Variants in DNAH5 observed in about 807,000 individuals in gnomAD.
DNAH5 encodes dynein axonemal heavy chain 5, also known as axonemal beta dynein heavy chain 5.
A neutral mutation model predicts 518.2 loss-of-function variants in DNAH5; 372 were observed. That is an observed-to-expected ratio of 0.72 (90% CI 0.66 to 0.78). The LOEUF (loss-of-function observed/expected upper bound fraction) is 0.78. Ranked by LOEUF, DNAH5 falls within the 30% of genes least tolerant of loss-of-function variation. DNAH5 has a pLI of 0.00. For missense variants in DNAH5, 5,523 were observed against 5,687.0 expected, an observed-to-expected ratio of 0.97 and a Z score of 0.93; for synonymous variants, 2,039 against 2,025.9, an observed-to-expected ratio of 1.01 and a Z score of -0.17.
At chr5:13,809,954 A>C in intron 45 of DNAH5, 105 bp downstream of exon 45, 6 of 1,150,252 alleles carry the variant, frequency 5.2e-6, no homozygotes, top group Non-Finnish European at 7.6e-6. Flanking sequence ...TCTTACAGCC[A>C]ATAATTATAA....
chr5:13,900,280 G>T lies in DNAH5; in HGVS notation c.2185C>A (p.Leu729Met), dbSNP rs1465176623. The change falls in exon 15 of 79, where the codon CTG (leucine) becomes ATG (methionine). Residue 729 changes from leucine to methionine, a missense_variant. By Grantham distance (15) the Leu-to-Met change is conservative. This residue lies in a region of DNAH5 where 5,121 missense variants were observed against 5,223.3 expected (regional missense o/e 0.98). Transcript: ENST00000265104. ...RETECMAQMG[L>M]EVSPLATSLF... ...GAAGTTGCCAGTGGAGAGACTTCCA[G>T]ACCCATCTGGGCCATGCACTCTGTT... The T allele has an allele frequency of 6.2e-7, 1 of 1,614,136 alleles. No homozygotes were observed. The highest frequency in any genetic ancestry group is 1.7e-5 in the Admixed American group (1 of 60,020).
chr5:13,721,150 C>T lies in DNAH5; in HGVS notation c.12129G>A (p.Thr4043=), dbSNP rs779527506. 110 of 1,613,980 alleles carry T rather than the reference C, an allele frequency of 6.8e-5. No homozygotes were observed. The highest frequency in any genetic ancestry group is 8.3e-5 in the Admixed American group (5 of 60,000). The change falls in exon 71 of 79, where the codon ACG becomes ACA. Residue 4043 remains threonine (T), a synonymous_variant. Transcript: ENST00000265104. ...EKTWEESDPR[T]PLICLLSMGS... ...CCATAGACAGGAGACAGATGAGTGGCGTCCGTGGATCAGATTCCTCCCACG... is the reference window on the plus strand; with the variant it reads ...CCATAGACAGGAGACAGATGAGTGGTGTCCGTGGATCAGATTCCTCCCACG...
chr5:13,810,392 A>G (rs1580364489), intron 44 of DNAH5, 132 bp from the exon 45 acceptor site: 1 of 786,754 alleles, frequency 1.3e-6, no homozygotes, highest in Non-Finnish European at 2.2e-6. Flanking sequence ...AAGGATGAAT[A>G]CAACTGGAGA....
intron 29 of DNAH5, among the ~76,000 whole-genome samples, chr5:13,862,317 T>C (rs1037532813): frequency 1.3e-5 from 2 of 152,124 alleles, no homozygotes; most frequent in African/African-American, 4.8e-5. Flanking sequence ...GAGGCCAAAA[T>C]GAAAACAAGA....
At chr5:13,751,550 T>C (rs1219002086) in intron 64 of DNAH5, among the ~76,000 whole-genome samples, 1 of 152,038 alleles carries the variant, frequency 6.6e-6, no homozygotes, top group African/African-American at 2.4e-5. Flanking sequence ...GTGAGATGGA[T>C]CCCTTACCCA....
intron 1 of DNAH5, among the ~76,000 whole-genome samples, chr5:13,982,300 C>G (rs1453323703): frequency 6.6e-6 from 1 of 152,282 alleles, no homozygotes; most frequent in Non-Finnish European, 1.5e-5. Flanking sequence ...TTTGCCTCAT[C>G]CTACCCCATT....
At chr5:13,730,161 CA>C (rs1305764875) in intron 68 of DNAH5, among the ~76,000 whole-genome samples, 4 of 152,194 alleles carry the variant, frequency 2.6e-5, no homozygotes, top group African/African-American at 7.2e-5. Flanking sequence ...CTAACCACAA[CA>C]AACATTTCCA....
At chr5:13,971,204 T>A (rs1301433818) in intron 1 of DNAH5, among the ~76,000 whole-genome samples, 1 of 152,220 alleles carries the variant, frequency 6.6e-6, no homozygotes, top group Admixed American at 6.5e-5. Context: ...TTCTTTAAGT[T>A]GGTATTCACC....
intron 65 of DNAH5, among the ~76,000 whole-genome samples, chr5:13,739,420 C>G (rs777721393): frequency 9.9e-5 from 15 of 152,268 alleles, no homozygotes; most frequent in Admixed American, 2.0e-4. Context: ...CCCTGCTTCT[C>G]CTTTGCCTTC....
chr5:13,869,865 G>C (rs1244981751), intron 24 of DNAH5, among the ~76,000 whole-genome samples: 3 of 151,994 alleles, frequency 2.0e-5, no homozygotes, highest in African/African-American at 7.3e-5. Context: ...GATTTTGCTG[G>C]TGGCCTAACA....
intron 31 of DNAH5, 123 bp from the exon 32 acceptor site, chr5:13,845,116 C>T (rs954059534): frequency 1.7e-5 from 15 of 879,544 alleles, no homozygotes; most frequent in Middle Eastern, 2.6e-4. Flanking sequence ...GATTTTCCTA[C>T]GTGACTTCTC....
rs774933842 is a variant in DNAH5, at chr5:13,922,289, G to A, written c.478C>T (p.Leu160=). Residue 160 remains leucine, a synonymous_variant, in exon 5 of 79, where the codon CTG becomes TTG. Transcript: ENST00000265104. Reference sequence around the variant, plus strand: ...AGCAAACGTCTCACACTGTTGAGCAGGCCTCCATCTGCCGCATCTAACATG... The same window carrying A: ...AGCAAACGTCTCACACTGTTGAGCAAGCCTCCATCTGCCGCATCTAACATG... ...FNMLDAADGG[L]LNSVRRLLSD... 1 of 1,613,492 alleles carries A rather than the reference G, an allele frequency of 6.2e-7. No individual in the cohort carries two copies. Among genetic ancestry groups the A allele is most frequent in the Non-Finnish European group, 8.5e-7 (1 of 1,179,768 alleles).
intron 33 of DNAH5, 143 bp from the exon 34 acceptor site, chr5:13,841,273 A>G: frequency 1.4e-6 from 1 of 701,438 alleles, no homozygotes; most frequent in Non-Finnish European, 2.4e-6. Flanking sequence ...TTCATAACCT[A>G]TGGAAATTCT....
chr5:13,830,630 T>G lies in DNAH5; in HGVS notation c.6028A>C (p.Met2010Leu), dbSNP rs757827169. 6.2e-7 allele frequency: 1 copy of G among 1,614,188 alleles called. No homozygotes were observed. Among genetic ancestry groups the G allele is most frequent in the Non-Finnish European group, 8.5e-7 (1 of 1,180,036 alleles). Residue 2010 changes from methionine (M) to leucine (L), a missense_variant, in exon 36 of 79, where the codon ATG becomes CTG. This residue lies in a region of DNAH5 where 5,121 missense variants were observed against 5,223.3 expected (regional missense o/e 0.98). Transcript: ENST00000265104. ...ATCCGTCCAAGTCCTCGGAAATCCA[T>G]CTGGTCTGAACAATTGAAAACCACG... Reference protein sequence around the residue: ...YVVVFNCSDQMDFRGLGRIFK... With the variant: ...YVVVFNCSDQLDFRGLGRIFK...
chr5:13,987,698 C>A (rs1783155080), intron 1 of DNAH5, among the ~76,000 whole-genome samples: 1 of 151,680 alleles, frequency 6.6e-6, no homozygotes, highest in Non-Finnish European at 1.5e-5. Flanking sequence ...ACTAAAAATA[C>A]AAAAAATTAG....
intron 65 of DNAH5, among the ~76,000 whole-genome samples, chr5:13,738,257 A>T (rs199921030): frequency 1.2e-3 from 120 of 100,640 alleles, no homozygotes; most frequent in African/African-American, 5.3e-3. Flanking sequence ...TATATATATA[A>T]AATCTTCTTT....
At chr5:13,724,183 G>T (rs1745418554) in intron 70 of DNAH5, among the ~76,000 whole-genome samples, 1 of 152,164 alleles carries the variant, frequency 6.6e-6, no homozygotes, top group Non-Finnish European at 1.5e-5. Context: ...GCATTACTCG[G>T]TCTCCCCATC....
chr5:13,798,748 A>AT (rs1198436350), intron 47 of DNAH5, among the ~76,000 whole-genome samples: 1 of 114,534 alleles, frequency 8.7e-6, no homozygotes, highest in Non-Finnish European at 1.8e-5. Flanking sequence ...TATTTTATTT[A>AT]TTTATTTATT....
intron 1 of DNAH5, among the ~76,000 whole-genome samples, chr5:13,978,075 T>A (rs1039941880): frequency 6.6e-6 from 1 of 152,168 alleles, no homozygotes; most frequent in Non-Finnish European, 1.5e-5. Context: ...CCAAGCATCG[T>A]CCCTATGGAG....
Sources: gnomAD v4.1 joint callset for allele counts (sites outside exome capture counted in the v4.1 genomes callset) on GRCh38, gnomAD v4.1.1 for gene constraint, gnomAD v4.1.1 regional missense constraint, MANE v1.5 for transcripts, NCBI Gene and HGNC (gene_info 2026-07-23, HGNC 2026-07-21) for gene names.